Variants in LAMTOR3 observed in about 807,000 individuals in gnomAD.
LAMTOR3 encodes ragulator complex protein LAMTOR3.
Under a neutral mutation model 20.3 loss-of-function variants are expected in LAMTOR3, and 14 were observed. That is an observed-to-expected ratio of 0.69 (90% CI 0.46 to 1.08). LAMTOR3 has a LOEUF of 1.08. LAMTOR3 is among the 50% of genes least tolerant of loss of function. The probability of loss-of-function intolerance (pLI) is 0.00; values close to 1 mark genes in which losing one functional copy is unlikely to be tolerated. For missense variants in LAMTOR3, 125 were observed against 143.7 expected, an observed-to-expected ratio of 0.87 and a Z score of 0.67; for synonymous variants, 40 against 49.4, an observed-to-expected ratio of 0.81 and a Z score of 0.80.
chr4:99,890,469 A>C (rs906818363), intron 3 of LAMTOR3, among the ~76,000 whole-genome samples: 1 of 152,244 alleles, frequency 6.6e-6, no homozygotes, highest in Non-Finnish European at 1.5e-5. Flanking sequence ...GGATGCCTGC[A>C]TCCAAACCCA....
Position 99,894,355 on chromosome 4 carries a change from G to C in LAMTOR3, c.-58C>G, listed in dbSNP as rs1474226211. ...GTTACCTGGGGTTTCTGGGCTGCCT[G>C]GTTCTCTCCGCTGTCACTTCAGGGA... On this transcript the variant is annotated 5_prime_UTR_variant, in exon 1 of 7. Coordinates refer to ENST00000499666, the MANE Select transcript of LAMTOR3 (RefSeq NM_021970.4). 1 of 199,098 alleles carries C rather than the reference G, an allele frequency of 5.0e-6. No homozygotes were observed. The highest frequency in any genetic ancestry group is 2.3e-5 in the African/African-American group (1 of 43,462). The allele number at this position is 199,098 out of a possible 1,614,324, so 12.3% of individuals were successfully genotyped here.
At chr4:99,882,155 G>T in intron 6 of LAMTOR3, 88 bp from the exon 7 acceptor site, 1 of 731,346 alleles carries the variant, frequency 1.4e-6, no homozygotes, top group Non-Finnish European at 2.3e-6. Flanking sequence ...AAAATACATA[G>T]TTACCAAAAG....
intron 6 of LAMTOR3, among the ~76,000 whole-genome samples, chr4:99,883,045 T>C: frequency 6.6e-6 from 1 of 152,116 alleles, no homozygotes; most frequent in East Asian, 1.9e-4. Context: ...TACATTATCA[T>C]AGTATATAAC....
At chr4:99,893,933 C>T (rs1174779571) in intron 2 of LAMTOR3, 22 bp downstream of exon 2, 3 of 1,497,282 alleles carry the variant, frequency 2.0e-6, no homozygotes, top group Non-Finnish European at 2.7e-6. Flanking sequence ...TCCCCTTCCT[C>T]TTATGTAGGG....
intron 3 of LAMTOR3, among the ~76,000 whole-genome samples, chr4:99,889,463 A>G (rs1157683542): frequency 5.3e-5 from 8 of 152,224 alleles, no homozygotes; most frequent in African/African-American, 1.9e-4. Context: ...ATGTACCAGG[A>G]AAGATTACTC....
At chr4:99,884,676 A>G (rs886887664) in intron 5 of LAMTOR3, among the ~76,000 whole-genome samples, 3 of 152,198 alleles carry the variant, frequency 2.0e-5, no homozygotes, top group African/African-American at 7.2e-5. Flanking sequence ...TTTTAAAATA[A>G]AAGATGGGCC....
At chr4:99,885,387 T>C (rs1011987328) in intron 5 of LAMTOR3, among the ~76,000 whole-genome samples, 155 bp downstream of exon 5, 7 of 152,232 alleles carry the variant, frequency 4.6e-5, no homozygotes, top group Admixed American at 6.5e-5. Flanking sequence ...AGAAAATTAC[T>C]ACATTTTAAT....
intron 4 of LAMTOR3, among the ~76,000 whole-genome samples, chr4:99,886,929 T>TGTGTGTGTGTGTATATATAC (rs1553944062): frequency 6.6e-6 from 1 of 151,874 alleles, no homozygotes; most frequent in Non-Finnish European, 1.5e-5. Context: ...TGTATATATA[T>TGTGTGTGTGTGTATATATAC]ACACACACAC....
intron 5 of LAMTOR3, 102 bp downstream of exon 5, chr4:99,885,440 C>A: frequency 9.4e-7 from 1 of 1,067,378 alleles, no homozygotes; most frequent in South Asian, 2.5e-5. Flanking sequence ...TCATCCTCTT[C>A]AAAACTAAAA....
At chr4:99,885,453 G>A in intron 5 of LAMTOR3, 89 bp downstream of exon 5, 3 of 1,148,514 alleles carry the variant, frequency 2.6e-6, no homozygotes, top group South Asian at 2.3e-5. Context: ...AACTAAAATT[G>A]AGAACTATAA....
intron 5 of LAMTOR3, 59 bp from the exon 6 acceptor site, chr4:99,884,184 A>G: frequency 7.8e-7 from 1 of 1,277,196 alleles, no homozygotes. Flanking sequence ...GTATAACTAA[A>G]CTGAAATGTC....
chr4:99,885,896 A>AT (rs886627637), intron 4 of LAMTOR3, among the ~76,000 whole-genome samples: 1 of 152,312 alleles, frequency 6.6e-6, no homozygotes, highest in Non-Finnish European at 1.5e-5. Flanking sequence ...GACTCTCACA[A>AT]TTTTTTTAAA....
At chr4:99,889,451 C>T (rs1337860884) in intron 3 of LAMTOR3, among the ~76,000 whole-genome samples, 1 of 152,112 alleles carries the variant, frequency 6.6e-6, no homozygotes, top group South Asian at 2.1e-4. Context: ...AGGAAGTTCT[C>T]TATGTACCAG....
intron 2 of LAMTOR3, 21 bp from the exon 3 acceptor site, chr4:99,892,055 A>T (rs559733211): frequency 6.4e-7 from 1 of 1,560,370 alleles, no homozygotes; most frequent in South Asian, 1.2e-5. Context: ...GCATTAAAAA[A>T]TAATGTTGTA....
chr4:99,889,091 G>C (rs1724978662), intron 3 of LAMTOR3, among the ~76,000 whole-genome samples: 1 of 152,098 alleles, frequency 6.6e-6, no homozygotes, highest in African/African-American at 2.4e-5. Context: ...TGTAATCCCA[G>C]CTACTTGGGA....
intron 4 of LAMTOR3, among the ~76,000 whole-genome samples, chr4:99,886,065 C>G (rs1049388880): frequency 4.6e-5 from 7 of 152,190 alleles, no homozygotes; most frequent in African/African-American, 1.7e-4. Flanking sequence ...AGCAGTATCT[C>G]TCATAGATAT....
intron 4 of LAMTOR3, among the ~76,000 whole-genome samples, chr4:99,886,614 A>G (rs2110181000): frequency 6.6e-6 from 1 of 152,332 alleles, no homozygotes; most frequent in Admixed American, 6.5e-5. Flanking sequence ...TGAAAGAACT[A>G]CATTAGTTGA....
chr4:99,883,892 G>T (rs892718052), intron 6 of LAMTOR3, among the ~76,000 whole-genome samples, 170 bp downstream of exon 6: 7 of 151,908 alleles, frequency 4.6e-5, no homozygotes, highest in African/African-American at 1.7e-4. Context: ...TGGAAACCAG[G>T]ATTCAGAGAA....
chr4:99,886,804 A>G (rs1210374569), intron 4 of LAMTOR3, among the ~76,000 whole-genome samples: 1 of 152,204 alleles, frequency 6.6e-6, no homozygotes, highest in Non-Finnish European at 1.5e-5. Context: ...ATATAGAAAT[A>G]GTAAAAATTG....
Sources: allele counts gnomAD v4.1 joint callset (sites outside exome capture counted in the v4.1 genomes callset), GRCh38; gene constraint gnomAD v4.1.1; transcripts MANE v1.5; gene names NCBI Gene and HGNC (gene_info 2026-07-23, HGNC 2026-07-21).